The following ARL13A variants were observed in gnomAD, a reference collection of about 807,000 sequenced individuals.
ARL13A encodes the protein ADP-ribosylation factor-like protein 13A.
A neutral mutation model predicts 19.1 loss-of-function variants in ARL13A; 16 were observed. The ratio of observed to expected loss-of-function variants is 0.84; its 90% confidence interval spans 0.57 to 1.27. The LOEUF (loss-of-function observed/expected upper bound fraction) is 1.27. Among genes scored for constraint, ARL13A ranks in the 50% most tolerant of loss-of-function variants. The pLI, the probability that ARL13A is intolerant of heterozygous loss-of-function variation, is 0.00. For synonymous variants in ARL13A, 69 were observed against 71.3 expected, an observed-to-expected ratio of 0.97 and a Z score of 0.17; for missense variants, 153 against 186.4, an observed-to-expected ratio of 0.82 and a Z score of 1.04.
At chrX:100,977,590 A>G (rs144264608) in intron 3 of ARL13A, among the ~76,000 whole-genome samples, 4,508 of 110,309 alleles carry the variant, frequency 0.041, 95 homozygotes, top group Middle Eastern at 0.089. Flanking sequence ...CATGTTGGCC[A>G]GGCTGGTCTC....
intron 7 of ARL13A, chrX:100,988,504 TGAA>T (rs757440514): frequency 1.6e-5 from 19 of 1,171,069 alleles, no homozygotes; most frequent in Non-Finnish European, 2.2e-5. Context: ...TTGCTACAAT[TGAA>T]GGAGTGGCTT....
intron 7 of ARL13A, among the ~76,000 whole-genome samples, chrX:100,990,154 G>A (rs2085999499): frequency 1.8e-5 from 2 of 111,577 alleles, no homozygotes; most frequent in Admixed American, 9.5e-5. Flanking sequence ...AGAGGGGAGA[G>A]AGCAAGAGTG....
At chrX:100,974,052 A>C in intron 2 of ARL13A, 75 bp from the exon 3 acceptor site, 1 of 820,504 alleles carries the variant, frequency 1.2e-6, no homozygotes, top group Non-Finnish European at 1.8e-6. Flanking sequence ...ACAATAAGGA[A>C]GAGTATAACT....
At chrX:100,974,462 A>C (rs181181873) in intron 3 of ARL13A, among the ~76,000 whole-genome samples, 20 of 110,069 alleles carry the variant, frequency 1.8e-4, no homozygotes, top group Admixed American at 5.8e-4. Flanking sequence ...CCTTTACAAG[A>C]TATCCTAATT....
At chrX:100,984,987 T>C (rs1435277704) in intron 3 of ARL13A, among the ~76,000 whole-genome samples, 1 of 112,595 alleles carries the variant, frequency 8.9e-6, no homozygotes, top group African/African-American at 3.2e-5. Flanking sequence ...CCATAGAATT[T>C]ACAACACTGT....
Position 100,978,753 on chromosome X carries a change from T to G in ARL13A, c.130+4556T>G, listed in dbSNP as rs775938320. The stretch of plus-strand genomic sequence containing the variant: ...TGTTATTTGCTTTCTGGTTGTTTTT[T>G]GGTCTTTTCCTTCCTTCCTTCCTGT... On this transcript the variant is annotated intron_variant, in intron 3 of 7. Coordinates refer to ENST00000450049, the MANE Select transcript of ARL13A (RefSeq NM_001162491.2). Among the ~76,000 whole-genome samples, 445 of 111,206 alleles carry G rather than the reference T, an allele frequency of 4.0e-3. 3 individuals are homozygous for G. The highest frequency in any genetic ancestry group is 0.013 in the African/African-American group (413 of 30,663).
intron 4 of ARL13A, 49 bp from the exon 5 acceptor site, chrX:100,986,747 T>G (rs1395077155): frequency 1.1e-6 from 1 of 885,493 alleles, no homozygotes; most frequent in South Asian, 2.6e-5. Context: ...GCTTCTGTTT[T>G]GGTTTCACTC....
chrX:100,985,742 T>C lies in ARL13A; in HGVS notation c.206T>C (p.Ile69Thr). The C allele has an allele frequency of 1.7e-6, 2 of 1,211,220 alleles. No homozygotes were observed. The highest frequency in any genetic ancestry group is 2.2e-6 in the Non-Finnish European group (2 of 895,310). Residue 69 changes from isoleucine (I) to threonine (T), a missense_variant, in exon 4 of 8, where the codon ATC (isoleucine) becomes ACC (threonine). By Grantham distance (89) the Ile-to-Thr change is moderately conservative. Transcript: ENST00000450049. ...TLLLDEYELSIYDLNGDLKGR... is the reference protein window; with the variant it reads ...TLLLDEYELSTYDLNGDLKGR... ...TTGTTAGATGAGTATGAACTTTCCA[T>C]CTATGACCTGAATGGAGACCTGAAG... is the stretch of plus-strand genomic sequence containing the variant.
chrX:100,970,362 T>A (rs2085639171), intron 1 of ARL13A, among the ~76,000 whole-genome samples: 1 of 112,814 alleles, frequency 8.9e-6, no homozygotes, highest in Non-Finnish European at 1.9e-5. Context: ...TATTTTGGAA[T>A]GGCAACTCTC....
chrX:100,973,549 A>G (rs2085714342), intron 1 of ARL13A, 127 bp from the exon 2 acceptor site: 1 of 929,394 alleles, frequency 1.1e-6, no homozygotes, highest in Admixed American at 2.9e-5. Context: ...GGATAGAATG[A>G]AGTAATAGAC....
At chrX:100,973,433 G>A (rs1011216639) in intron 1 of ARL13A, among the ~76,000 whole-genome samples, 3 of 106,412 alleles carry the variant, frequency 2.8e-5, no homozygotes, top group Admixed American at 2.0e-4. Flanking sequence ...GGCGGCGCTC[G>A]CCGGCGCGGC....
At chrX:100,972,301 G>A (rs1329663146) in intron 1 of ARL13A, among the ~76,000 whole-genome samples, 1 of 102,823 alleles carries the variant, frequency 9.7e-6, no homozygotes, top group South Asian at 4.9e-4. Flanking sequence ...TCCCAGTAGG[G>A]GGGGCCGGGC....
intron 1 of ARL13A, among the ~76,000 whole-genome samples, chrX:100,973,428 C>T (rs1364688687): frequency 4.7e-5 from 5 of 105,968 alleles, no homozygotes; most frequent in African/African-American, 1.7e-4. Flanking sequence ...TCCCGGGCGG[C>T]GCTCGCCGGC....
At chrX:100,986,639 C>T (rs1160989614) in intron 4 of ARL13A, among the ~76,000 whole-genome samples, 157 bp from the exon 5 acceptor site, 3 of 112,263 alleles carry the variant, frequency 2.7e-5, no homozygotes, top group Admixed American at 1.9e-4. Context: ...AAATGTCTAG[C>T]TCATCTCATT....
intron 3 of ARL13A, among the ~76,000 whole-genome samples, chrX:100,976,898 G>T (rs2085771291): frequency 8.9e-6 from 1 of 112,673 alleles, no homozygotes; most frequent in Non-Finnish European, 1.9e-5. Context: ...GCACCCAGCT[G>T]CTGCGAATGT....
At chrX:100,980,664 C>T (rs946048223) in intron 3 of ARL13A, among the ~76,000 whole-genome samples, 5 of 111,838 alleles carry the variant, frequency 4.5e-5, no homozygotes, top group Admixed American at 9.5e-5. Flanking sequence ...GGAGTCTCTC[C>T]TGATGGCCAC....
chrX:100,987,906 A>G (rs2085958640), intron 6 of ARL13A, among the ~76,000 whole-genome samples: 1 of 112,225 alleles, frequency 8.9e-6, no homozygotes, highest in South Asian at 3.7e-4. Context: ...GCATTATTCT[A>G]TGGATAAATG....
At position 100,969,777 on chromosome X, in the gene ARL13A, G is replaced by T. The variant is rs1417567331; in HGVS notation, c.-47G>T. 2.7e-5 allele frequency: 3 copies of T among 112,238 alleles called. No homozygotes were observed. The highest frequency in any genetic ancestry group is 5.6e-5 in the Non-Finnish European group (3 of 53,251). 9.2% of individuals were successfully genotyped at this position (112,238 alleles called of 1,213,427 possible). ...ATATCTTATGTCTTCCATCCAAAAA[G>T]AATCAACTTATCAGATAAATAACCA... On this transcript the variant is annotated 5_prime_UTR_variant, in exon 1 of 8. The change creates a premature stop within an existing upstream ORF in the 5' untranslated region. Transcript: ENST00000450049.
rs988067411 is a variant in ARL13A at position 100,986,731 on chromosome X, C to T, written c.381-65C>T. The stretch of plus-strand genomic sequence containing the variant: ...TCCTCCTCTTTCCCTTCTTTTCTCG[C>T]CTTTTGCTTCTGTTTTGGTTTCACT... On this transcript the variant is annotated intron_variant, in intron 4 of 7. Coordinates refer to ENST00000450049, the MANE Select transcript of ARL13A (RefSeq NM_001162491.2). 3.2e-5 allele frequency: 23 copies of T among 718,900 alleles called. No individual in the cohort carries two copies. In the African/African-American group the frequency reaches 4.7e-4, roughly 15 times the overall value. The allele number at this position is 718,900 out of a possible 1,213,427, so 59.2% of individuals were successfully genotyped here.
Sources: gnomAD v4.1 joint callset for allele counts (sites outside exome capture counted in the v4.1 genomes callset) on GRCh38, gnomAD v4.1.1 for gene constraint, MANE v1.5 for transcripts, NCBI Gene and HGNC (gene_info 2026-07-23, HGNC 2026-07-21) for gene names.